MXRA5: variants seen among roughly 807,000 people sequenced by gnomAD.
MXRA5 encodes matrix-remodeling-associated protein 5.
MXRA5 carries 41 observed loss-of-function variants against 112.5 expected under a neutral mutation model. That is an observed-to-expected ratio of 0.36 (90% confidence interval 0.28 to 0.47). The LOEUF (loss-of-function observed/expected upper bound fraction) is 0.47. Among genes scored for constraint, MXRA5 ranks in the 20% least tolerant of loss-of-function variants. The pLI is 0.99. For missense variants in MXRA5, 2,150 were observed against 2,251.0 expected (o/e 0.96, Z 0.91); for synonymous variants, 862 against 900.8 (o/e 0.96, Z 0.77).
Position 3,317,426 on chromosome X carries a change from G to T in MXRA5, c.6255C>A (p.Asp2085Glu). The T allele has an allele frequency of 8.3e-7, 1 of 1,200,191 alleles. No homozygotes were observed. Among genetic ancestry groups the T allele is most frequent in the South Asian group, 1.8e-5 (1 of 55,367 alleles). ...ACTGCGAGGGGCGGATCTGGGTACC[G>T]TCCCCGAGCACCCAGCGCACGCTGG... The part of the protein sequence containing the change: ...PLPSVRWVLG[D>E]GTQIRPSQFL... The change falls in exon 6 of 7, where the codon GAC (aspartate) becomes GAA (glutamate). Residue 2085 changes from aspartate to glutamate, a missense_variant. Asp to Glu is a conservative substitution (Grantham distance 45). Transcript: ENST00000217939.
intron 3 of MXRA5, 84 bp from the exon 4 acceptor site, chrX:3,330,492 C>T: frequency 9.0e-7 from 1 of 1,117,038 alleles, no homozygotes; most frequent in Non-Finnish European, 1.2e-6. Context: ...GAAACCAGTA[C>T]AAAGGGCTGG....
Position 3,346,652 on chromosome X carries a change from C to A in MXRA5, c.-166G>T, listed in dbSNP as rs901615879. The A allele has an allele frequency of 2.8e-4, 165 of 596,222 alleles. No homozygotes were observed. The Middle Eastern group carries it at 3.0e-3, about 11-fold the overall frequency. 49.1% of individuals were successfully genotyped at this position (596,222 alleles called of 1,213,427 possible). A position where few individuals can be genotyped will look rare whatever the true frequency, so the allele number is the denominator to read the frequency against. ...GGGGTGAGGCAGCTCGGCTTCCCAG[C>A]GCGGCACAGCAAGCCGGCGCCCTTT... On this transcript the variant is annotated 5_prime_UTR_variant, in exon 1 of 7. Transcript: ENST00000217939.
At chrX:3,341,158 T>TTA (rs1406665227) in intron 2 of MXRA5, among the ~76,000 whole-genome samples, 3 of 6,921 alleles carry the variant, frequency 4.3e-4, no homozygotes, top group Non-Finnish European at 2.4e-3. Context: ...ATATTATATA[T>TTA]TATATATTAT....
chrX:3,317,640 T>G lies in MXRA5; in HGVS notation c.6041A>C (p.Glu2014Ala). Residue 2014 changes from glutamate to alanine, a missense_variant, in exon 6 of 7, where the codon GAG (glutamate) becomes GCG (alanine). Glu to Ala is a moderately radical substitution (Grantham distance 107). This residue lies in a region of MXRA5 where 1,485 missense variants were observed against 1,471.6 expected (regional missense o/e 1.01). Transcript: ENST00000217939. ...GACGCCTCTGTCTGAGAAGGACGCCTCCTTGATGGAAAGGGTCCGGTTTTC... is the reference window on the plus strand; with the variant it reads ...GACGCCTCTGTCTGAGAAGGACGCCGCCTTGATGGAAAGGGTCCGGTTTTC... ...LHENRTLSIK[E>A]ASFSDRGVYK... The G allele has an allele frequency of 8.3e-7, 1 of 1,207,253 alleles. No individual in the cohort carries two copies. The highest frequency in any genetic ancestry group is 1.1e-6 in the Non-Finnish European group (1 of 892,234).
Position 3,321,326 on chromosome X carries a change from A to T in MXRA5, c.4359T>A (p.Ser1453Arg). 3.3e-6 allele frequency: 4 copies of T among 1,211,439 alleles called. No individual in the cohort carries two copies. Among genetic ancestry groups the T allele is most frequent in the Non-Finnish European group, 4.5e-6 (4 of 895,148 alleles). The change falls in exon 5 of 7, where the codon AGT (serine) becomes AGA (arginine). Residue 1453 changes from serine (S) to arginine (R), a missense_variant. By Grantham distance (110) the Ser-to-Arg change is moderately radical. Around this residue, in one of 6 missense-constraint regions of MXRA5, gnomAD observed 1,485 missense variants for 1,471.6 expected, o/e 1.01. Transcript: ENST00000217939. ...GATCAAGGGTGGTGGTTTCTGCCTG[A>T]CTTGAAGCCACCTCCACTTTTATGC... The part of the protein sequence containing the change: ...LSSIKVEVAS[S>R]QAETTTLDQD...
chrX:3,317,973 T>C lies in MXRA5; in HGVS notation c.5708A>G (p.Gln1903Arg), dbSNP rs757622797. The change falls in exon 6 of 7, where the codon CAA becomes CGA. Residue 1903 changes from glutamine to arginine, a missense_variant. Coordinates refer to ENST00000217939, the MANE Select transcript of MXRA5 (RefSeq NM_015419.4). ...GALMTPNTRI[Q>R]RFEVLKNGTL... is the part of the protein sequence containing the mutation. ...ACCGTTCTTGAGAACCTCAAACCGT[T>C]GTATCCTGGTATTCGGAGTCATAAG... 1 of 1,201,739 alleles carries C rather than the reference T, an allele frequency of 8.3e-7. No homozygotes were observed. The highest frequency in any genetic ancestry group is 1.1e-6 in the Non-Finnish European group (1 of 889,508).
At chrX:3,330,558 A>T (rs759414400) in intron 3 of MXRA5, 86 bp downstream of exon 3, 2 of 1,146,678 alleles carry the variant, frequency 1.7e-6, no homozygotes, top group African/African-American at 3.6e-5. Context: ...TTTATTGATC[A>T]TTAAGGAGAA....
intron 4 of MXRA5, among the ~76,000 whole-genome samples, chrX:3,326,534 T>A (rs1257857110): frequency 9.4e-6 from 1 of 106,504 alleles, no homozygotes; most frequent in African/African-American, 3.4e-5. Context: ...TATACATTTA[T>A]AATATATAAT....
chrX:3,323,198 T>C lies in MXRA5; in HGVS notation c.2487A>G (p.Ala829=), dbSNP rs1236916856. ...CACTGGTTACTGTCTGCACAGGAGA[T>C]GCTGAGGGGGGAGAAATAGCAGGAA... ...PPFPAISPPS[A]SPVQTVTSAE... The change falls in exon 5 of 7, where the codon GCA becomes GCG. Residue 829 remains alanine (A), a synonymous_variant. Coordinates refer to ENST00000217939, the MANE Select transcript of MXRA5 (RefSeq NM_015419.4). 3 of 1,211,513 alleles carry C rather than the reference T, an allele frequency of 2.5e-6. No individual in the cohort carries two copies. Among genetic ancestry groups the C allele is most frequent in the Non-Finnish European group, 3.4e-6 (3 of 895,477 alleles).
intron 2 of MXRA5, among the ~76,000 whole-genome samples, chrX:3,335,081 T>C (rs1292732338): frequency 2.7e-5 from 3 of 112,160 alleles, no homozygotes; most frequent in Non-Finnish European, 5.6e-5. Context: ...TTATTGTTGT[T>C]GTTGCTGTGT....
intron 2 of MXRA5, among the ~76,000 whole-genome samples, chrX:3,341,690 AG>A (rs1921989904): frequency 1.2e-5 from 1 of 81,331 alleles, no homozygotes; most frequent in Non-Finnish European, 2.3e-5. Context: ...TATATTATAA[AG>A]ATAATATATA....
intron 2 of MXRA5, among the ~76,000 whole-genome samples, chrX:3,337,473 CTG>C (rs1407825426): frequency 1.8e-5 from 2 of 111,913 alleles, no homozygotes. Flanking sequence ...GTCCCTCTGT[CTG>C]TATCTATCTA....
At chrX:3,337,599 A>G (rs1222797588) in intron 2 of MXRA5, among the ~76,000 whole-genome samples, 1 of 111,955 alleles carries the variant, frequency 8.9e-6, no homozygotes, top group African/African-American at 3.2e-5. Flanking sequence ...GTTATAATCT[A>G]TATATCAATT....
At position 3,324,907 on chromosome X, in the gene MXRA5, T is replaced by C. The variant is rs935043344; in HGVS notation, c.778A>G (p.Lys260Glu). ...TGTATCTCATGTTTGTACAACTTCTTTGGACTGAAGCACATTGCACACAAC... is the reference window on the plus strand; with the variant it reads ...TGTATCTCATGTTTGTACAACTTCTCTGGACTGAAGCACATTGCACACAAC... ...GQLCAMCFSP[K>E]KLYKHEIHKL... is the part of the protein sequence containing the mutation. Residue 260 changes from lysine to glutamate, a missense_variant, in exon 5 of 7, where the codon AAG becomes GAG. By Grantham distance (56) the Lys-to-Glu change is moderately conservative (BLOSUM62 1). Around this residue, in one of 6 missense-constraint regions of MXRA5, gnomAD observed 386 missense variants for 411.0 expected, o/e 0.94. Coordinates refer to ENST00000217939, the MANE Select transcript of MXRA5 (RefSeq NM_015419.4). The C allele has an allele frequency of 1.3e-5, 16 of 1,208,226 alleles. No individual in the cohort carries two copies. Among genetic ancestry groups the C allele is most frequent in the Non-Finnish European group, 1.8e-5 (16 of 894,860 alleles).
intron 2 of MXRA5, among the ~76,000 whole-genome samples, chrX:3,332,285 G>A (rs1245479778): frequency 4.6e-5 from 5 of 108,497 alleles, no homozygotes; most frequent in East Asian, 2.9e-4. Context: ...TCGCTCTGTC[G>A]CCCAGTCTGG....
rs1322238300 is a variant in MXRA5, at chrX:3,324,621, A to G, written c.1064T>C (p.Ile355Thr). 1 of 1,208,982 alleles carries G rather than the reference A, an allele frequency of 8.3e-7. No homozygotes were observed. The highest frequency in any genetic ancestry group is 1.7e-5 in the African/African-American group (1 of 57,165). Residue 355 changes from isoleucine (I) to threonine (T), a missense_variant, in exon 5 of 7, where the codon ATT (isoleucine) becomes ACT (threonine). By Grantham distance (89) the Ile-to-Thr change is moderately conservative. Coordinates refer to ENST00000217939, the MANE Select transcript of MXRA5 (RefSeq NM_015419.4). The part of the protein sequence containing the change: ...IHLNQTDPPD[I>T]DINATVALDF... ...CAAGGCAACTGTTGCATTTATGTCAATATCTGGAGGATCCGTTTGGTTCAA... is the reference window on the plus strand; with the variant it reads ...CAAGGCAACTGTTGCATTTATGTCAGTATCTGGAGGATCCGTTTGGTTCAA...
At chrX:3,315,383 TAGATAGATGATAGATA>T (rs1569181328) in intron 6 of MXRA5, among the ~76,000 whole-genome samples, 35 of 41,709 alleles carry the variant, frequency 8.4e-4, no homozygotes, top group African/African-American at 4.1e-3. Flanking sequence ...AATAGATAGA[TAGATAGATGATAGATA>T]GATAGATAGA....
chrX:3,327,307 C>A (rs769148794), intron 4 of MXRA5, among the ~76,000 whole-genome samples: 22 of 112,105 alleles, frequency 2.0e-4, no homozygotes, highest in African/African-American at 6.5e-4. Context: ...AACACACATA[C>A]ACATACTCAC....
intron 4 of MXRA5, among the ~76,000 whole-genome samples, chrX:3,325,843 CATAA>C (rs1393447522): frequency 3.2e-4 from 8 of 24,721 alleles, no homozygotes; most frequent in African/African-American, 1.0e-3. Context: ...TATATTTATT[CATAA>C]ATAATTTATA....
Sources: gnomAD v4.1 joint callset for allele counts (sites outside exome capture counted in the v4.1 genomes callset) on GRCh38, gnomAD v4.1.1 for gene constraint, gnomAD v4.1.1 regional missense constraint, MANE v1.5 for transcripts, NCBI Gene and HGNC (gene_info 2026-07-23, HGNC 2026-07-21) for gene names.